The following CD2AP variants were observed in gnomAD, a reference collection of about 807,000 sequenced individuals.
CD2AP encodes the protein CD2 associated protein.
CD2AP carries 46 observed loss-of-function variants against 85.1 expected under a neutral mutation model. That is an observed-to-expected ratio of 0.54 (90% CI 0.43 to 0.69). CD2AP has a LOEUF of 0.69. CD2AP is among the 30% of genes least tolerant of loss of function. The pLI is 0.00. For missense variants in CD2AP, 769 were observed against 729.5 expected (o/e 1.05, Z -0.62); for synonymous variants, 255 against 252.9 (o/e 1.01, Z -0.08).
intron 1 of CD2AP, among the ~76,000 whole-genome samples, chr6:47,501,091 A>C (rs1765985798): frequency 6.6e-6 from 1 of 152,106 alleles, no homozygotes; most frequent in Non-Finnish European, 1.5e-5. Context: ...CAGAAGAAAG[A>C]ATTCATTCAT....
intron 12 of CD2AP, among the ~76,000 whole-genome samples, 189 bp from the exon 13 acceptor site, chr6:47,599,112 A>G (rs899032831): frequency 2.9e-5 from 4 of 139,272 alleles, no homozygotes; most frequent in Non-Finnish European, 6.8e-5. Flanking sequence ...ACACTTAACT[A>G]AACTGTTCTC....
chr6:47,588,277 T>G (rs1485018325), intron 11 of CD2AP, among the ~76,000 whole-genome samples: 1 of 152,156 alleles, frequency 6.6e-6, no homozygotes, highest in Non-Finnish European at 1.5e-5. Context: ...TGTTTTGGGA[T>G]ATTCTTTACC....
intron 5 of CD2AP, among the ~76,000 whole-genome samples, chr6:47,566,323 T>TATATATATATATATCTATATACACACAC: frequency 9.2e-6 from 1 of 108,388 alleles, no homozygotes; most frequent in Non-Finnish European, 2.1e-5. Context: ...TATATATATA[T>TATATATATATATATCTATATACACACAC]ACACATACAC....
At chr6:47,511,287 C>G (rs1158254470) in intron 2 of CD2AP, among the ~76,000 whole-genome samples, 1 of 152,018 alleles carries the variant, frequency 6.6e-6, no homozygotes, top group Non-Finnish European at 1.5e-5. Flanking sequence ...AAACCTCAGA[C>G]AAACTAAATT....
At chr6:47,544,546 T>G in intron 3 of CD2AP, 60 bp from the exon 4 acceptor site, 1 of 1,081,880 alleles carries the variant, frequency 9.2e-7, no homozygotes, top group Non-Finnish European at 1.4e-6. Context: ...GGCATGTAAA[T>G]ATACTGTTTT....
At chr6:47,581,058 ATCTGTCATTTT>A (rs1385648230) in intron 10 of CD2AP, among the ~76,000 whole-genome samples, 158 bp downstream of exon 10, 2 of 152,148 alleles carry the variant, frequency 1.3e-5, no homozygotes. Flanking sequence ...ATGCATTAGT[ATCTGTCATTTT>A]TCTTAAAGTA....
intron 2 of CD2AP, among the ~76,000 whole-genome samples, chr6:47,525,479 C>A (rs1380678072): frequency 6.6e-6 from 1 of 151,974 alleles, no homozygotes; most frequent in African/African-American, 2.4e-5. Flanking sequence ...TTTTATTATT[C>A]TTTGCGACCT....
intron 13 of CD2AP, among the ~76,000 whole-genome samples, chr6:47,600,958 G>A (rs192851990): frequency 6.6e-6 from 1 of 151,946 alleles, no homozygotes; most frequent in African/African-American, 2.4e-5. Flanking sequence ...GTCCCTTTGG[G>A]AATTGAAGGA....
intron 2 of CD2AP, among the ~76,000 whole-genome samples, chr6:47,520,101 T>G (rs1038698139): frequency 2.8e-4 from 42 of 152,270 alleles, no homozygotes; most frequent in Admixed American, 6.5e-4. Flanking sequence ...ATTTTTTTTT[T>G]TTGTTGAGTC....
In CD2AP at chr6:47,554,026, G is replaced by T. The variant is rs1205751086; in HGVS notation, c.421-620G>T. On this transcript the variant is annotated intron_variant, in intron 4 of 17. Coordinates refer to ENST00000359314, the MANE Select transcript of CD2AP (RefSeq NM_012120.3). ...GGCTGGAGTCCAGTGCCACAATTGG[G>T]CTCAGCCTCCCCAGTAGCTGGGACT... Among the ~76,000 whole-genome samples, 2 of 151,880 alleles carry T rather than the reference G, an allele frequency of 1.3e-5. 1 individual carries two copies. Among genetic ancestry groups the T allele is most frequent in the South Asian group, 4.2e-4 (2 of 4,808 alleles).
intron 12 of CD2AP, among the ~76,000 whole-genome samples, chr6:47,597,187 G>T (rs1228549270): frequency 1.3e-5 from 2 of 150,748 alleles, no homozygotes; most frequent in Non-Finnish European, 1.5e-5. Context: ...TTGGAACCAT[G>T]GCAAACCAAG....
At chr6:47,619,391 A>G (rs1044423938) in intron 17 of CD2AP, among the ~76,000 whole-genome samples, 2 of 152,218 alleles carry the variant, frequency 1.3e-5, no homozygotes, top group African/African-American at 4.8e-5. Context: ...GTCACTGCAG[A>G]TGCTGTTAAT....
At chr6:47,613,173 G>A (rs1188106244) in intron 17 of CD2AP, among the ~76,000 whole-genome samples, 2 of 152,068 alleles carry the variant, frequency 1.3e-5, no homozygotes, top group Non-Finnish European at 2.9e-5. Flanking sequence ...CCTGGGAGTT[G>A]GAATCATCTT....
intron 13 of CD2AP, among the ~76,000 whole-genome samples, chr6:47,601,835 G>A (rs1769146369): frequency 6.6e-6 from 1 of 151,906 alleles, no homozygotes; most frequent in Non-Finnish European, 1.5e-5. Context: ...AATAATTTGA[G>A]GTTAAATAAT....
At chr6:47,561,305 C>A (rs748729460) in intron 5 of CD2AP, among the ~76,000 whole-genome samples, 5 of 152,138 alleles carry the variant, frequency 3.3e-5, no homozygotes, top group Non-Finnish European at 5.9e-5. Context: ...TAGTCCTAGG[C>A]AATCATAGAT....
Position 47,627,179 on chromosome 6 carries a change from A to T in CD2AP, c.*2952A>T, listed in dbSNP as rs867025019. On this transcript the variant is annotated 3_prime_UTR_variant, in exon 18 of 18. Transcript: ENST00000359314. ...TTGGTTATTTTTTGTTAACTTTAGC[A>T]TTTGTGTATTTCAGAGTATGATGAA... The T allele has an allele frequency of 6.6e-6, 1 of 152,452 alleles. No homozygotes were observed. Among genetic ancestry groups the T allele is most frequent in the African/African-American group, 2.4e-5 (1 of 41,426 alleles). The allele number at this position is 152,452 out of a possible 1,614,324, so 9.4% of individuals were successfully genotyped here.
rs188117734 is a variant in CD2AP at position 47,554,371 on chromosome 6, T to C, written c.421-275T>C. Among the ~76,000 whole-genome samples, 12 of 152,344 alleles carry C rather than the reference T, an allele frequency of 7.9e-5. No individual in the cohort carries two copies. The East Asian group carries it at 1.7e-3, about 22-fold the overall frequency. On this transcript the variant is annotated intron_variant, in intron 4 of 17. Transcript: ENST00000359314. ...TACAGTATATATGGTTATCTGATAC[T>C]TTCATGAAAAGTACTTCATAGATTG...
chr6:47,606,238 T>G lies in CD2AP; in HGVS notation c.1491T>G (p.Pro497=). The change falls in exon 14 of 18, where the codon CCT becomes CCG. Residue 497 remains proline (P), a synonymous_variant. Coordinates refer to ENST00000359314, the MANE Select transcript of CD2AP (RefSeq NM_012120.3). The part of the protein sequence containing the change: ...LHLTANRPKM[P]GRRLPGRFNG... ...TCACTGCAAATAGACCAAAGATGCC[T>G]GGAAGAAGGTTGCCGGGCCGTTTCA... 1.2e-5 allele frequency: 19 copies of G among 1,611,046 alleles called. No homozygotes were observed. The highest frequency in any genetic ancestry group is 1.6e-5 in the Non-Finnish European group (19 of 1,177,418).
chr6:47,624,679 C>CTGTGCG lies in CD2AP; in HGVS notation c.*456_*457insCGTGTG, dbSNP rs1769857168. ...CCATAATGCATAAGGGATATAAACT[C>CTGTGCG]TGTGTGTGTGTGTGTGTGTGTGTGT... On this transcript the variant is annotated 3_prime_UTR_variant, in exon 18 of 18. Transcript: ENST00000359314. 1 of 121,460 alleles carries CTGTGCG rather than the reference C, an allele frequency of 8.2e-6. No homozygotes were observed. The highest frequency in any genetic ancestry group is 1.6e-5 in the Non-Finnish European group (1 of 63,014). 7.5% of individuals were successfully genotyped at this position (121,460 alleles called of 1,614,324 possible).
Sources: allele counts gnomAD v4.1 joint callset (sites outside exome capture counted in the v4.1 genomes callset), GRCh38; gene constraint gnomAD v4.1.1; transcripts MANE v1.5; gene names NCBI Gene and HGNC (gene_info 2026-07-23, HGNC 2026-07-21).